The following AFDN variants were observed in gnomAD, a reference collection of about 807,000 sequenced individuals.
AFDN encodes afadin.
In AFDN, 68 loss-of-function variants were observed where a neutral mutation model predicts 216.6. The ratio of observed to expected loss-of-function variants is 0.31; its 90% CI spans 0.26 to 0.38. AFDN has a LOEUF of 0.38. Among genes scored for constraint, AFDN ranks in the 10% least tolerant of loss-of-function variants. The pLI, the probability that AFDN is intolerant of heterozygous loss-of-function variation, is 1.00. For missense variants in AFDN, 2,136 were observed against 2,342.0 expected (o/e 0.91, Z 1.82); for synonymous variants, 868 against 853.7 (o/e 1.02, Z -0.29).
chr6:167,948,597 T>C, intron 29 of AFDN, 119 bp downstream of exon 29: 3 of 949,508 alleles, frequency 3.2e-6, no homozygotes, highest in Non-Finnish European at 4.5e-6. Context: ...TTTCCTTTAA[T>C]GGTTTTGTGG....
intron 21 of AFDN, among the ~76,000 whole-genome samples, chr6:167,920,461 A>G (rs933724819): frequency 6.6e-6 from 1 of 152,232 alleles, no homozygotes; most frequent in African/African-American, 2.4e-5. Context: ...TCAGCAAGTC[A>G]GAAAGCACAG....
intron 21 of AFDN, among the ~76,000 whole-genome samples, chr6:167,920,194 C>T (rs1252437501): frequency 1.3e-5 from 2 of 151,978 alleles, no homozygotes; most frequent in African/African-American, 4.8e-5. Flanking sequence ...CAGGAGTAGG[C>T]AGGGAGAGCC....
chr6:167,850,815 G>T (rs1003554333), intron 1 of AFDN, among the ~76,000 whole-genome samples: 1 of 152,184 alleles, frequency 6.6e-6, no homozygotes, highest in African/African-American at 2.4e-5. Flanking sequence ...GATTTGGGTA[G>T]ATCAGTTATA....
chr6:167,910,969 A>G, intron 13 of AFDN, 132 bp from the exon 14 acceptor site: 1 of 727,182 alleles, frequency 1.4e-6, no homozygotes, highest in Non-Finnish European at 2.3e-6. Context: ...AAAACAAGGG[A>G]TATTTTATTA....
intron 30 of AFDN, chr6:167,954,588 TCTC>T: frequency 9.0e-7 from 1 of 1,109,416 alleles, no homozygotes; most frequent in South Asian, 1.4e-5. Flanking sequence ...TAGATCCAGT[TCTC>T]CTTAGGGGTG....
chr6:167,866,084 A>T (rs1351910646), intron 2 of AFDN, among the ~76,000 whole-genome samples: 2 of 152,196 alleles, frequency 1.3e-5, no homozygotes, highest in African/African-American at 4.8e-5. Context: ...TAAATAGGTT[A>T]CAAAGAAGAA....
At chr6:167,903,640 C>T (rs10945454) in intron 12 of AFDN, among the ~76,000 whole-genome samples, 45,889 of 152,136 alleles carry the variant, frequency 0.3, 7,974 homozygotes, top group East Asian at 0.6. Flanking sequence ...CATCAAAACA[C>T]GTTACAGTGT....
intron 22 of AFDN, 56 bp downstream of exon 22, chr6:167,923,015 G>A (rs766110643): frequency 3.5e-5 from 44 of 1,243,782 alleles, no homozygotes; most frequent in Non-Finnish European, 4.7e-6. Flanking sequence ...TTGAAGATGT[G>A]ATGCAGATTT....
chr6:167,888,037 A>C (rs1323483106), intron 6 of AFDN, among the ~76,000 whole-genome samples: 1 of 152,196 alleles, frequency 6.6e-6, no homozygotes, highest in Non-Finnish European at 1.5e-5. Flanking sequence ...AGGAGGGATC[A>C]TGGAAGCATA....
At chr6:167,942,778 T>C (rs1018100127) in intron 23 of AFDN, among the ~76,000 whole-genome samples, 1 of 152,234 alleles carries the variant, frequency 6.6e-6, no homozygotes, top group Non-Finnish European at 1.5e-5. Context: ...TAAGGGAGGA[T>C]ATAGGTAAAT....
intron 1 of AFDN, among the ~76,000 whole-genome samples, chr6:167,843,340 TCTA>T (rs1781288943): frequency 1.3e-5 from 2 of 152,148 alleles, no homozygotes; most frequent in African/African-American, 2.4e-5. Flanking sequence ...TGTAGGGAAA[TCTA>T]CTAAAAGTCA....
intron 6 of AFDN, among the ~76,000 whole-genome samples, chr6:167,881,385 T>G (rs1183970830): frequency 6.6e-6 from 1 of 152,202 alleles, no homozygotes; most frequent in Non-Finnish European, 1.5e-5. Context: ...AAAAATTTGT[T>G]TAAATGCACA....
At chr6:167,944,527 C>T (rs144415653) in intron 26 of AFDN, among the ~76,000 whole-genome samples, 36 of 152,256 alleles carry the variant, frequency 2.4e-4, no homozygotes, top group Admixed American at 2.3e-3. Context: ...TTACCTTAGT[C>T]CTGCATTTGC....
chr6:167,966,007 A>T lies in AFDN; in HGVS notation c.5219A>T (p.Tyr1740Phe). The change falls in exon 32 of 34, where the codon TAC (tyrosine) becomes TTC (phenylalanine). Residue 1740 changes from tyrosine (Y) to phenylalanine (F), a missense_variant. Physicochemically the swap from Tyr to Phe is conservative, Grantham distance 22 (BLOSUM62 3). Transcript: ENST00000683244. Reference sequence around the variant, plus strand: ...CTGTTCACTGCCAAGTTTGTTGCATACAATGAGGAGGAGGAGGAGGAGGAC... The same window carrying T: ...CTGTTCACTGCCAAGTTTGTTGCATTCAATGAGGAGGAGGAGGAGGAGGAC... ...DSLFTAKFVA[Y>F]NEEEEEEDCS... 6.5e-7 allele frequency: 1 copy of T among 1,550,232 alleles called. No homozygotes were observed. Among genetic ancestry groups the T allele is most frequent in the Non-Finnish European group, 8.7e-7 (1 of 1,146,984 alleles).
At chr6:167,897,544 A>T (rs991690349) in intron 10 of AFDN, among the ~76,000 whole-genome samples, 1 of 151,992 alleles carries the variant, frequency 6.6e-6, no homozygotes, top group Non-Finnish European at 1.5e-5. Context: ...CTTTCTTAGC[A>T]CAACACTAAA....
intron 23 of AFDN, among the ~76,000 whole-genome samples, chr6:167,926,131 G>T (rs192541926): frequency 2.0e-5 from 3 of 152,250 alleles, no homozygotes; most frequent in African/African-American, 7.2e-5. Flanking sequence ...TATTGATTTG[G>T]AAATAAATGG....
intron 21 of AFDN, among the ~76,000 whole-genome samples, chr6:167,921,785 A>G (rs1384102487): frequency 6.6e-6 from 1 of 151,820 alleles, no homozygotes; most frequent in Admixed American, 6.6e-5. Context: ...CATGAATCTG[A>G]ATTGAAATAG....
intron 5 of AFDN, 149 bp from the exon 6 acceptor site, chr6:167,880,211 A>T: frequency 4.4e-6 from 3 of 676,862 alleles, no homozygotes; most frequent in Non-Finnish European, 7.5e-6. Flanking sequence ...ATCTAACAGG[A>T]AATGAAACAA....
At chr6:167,924,636 A>G (rs1394429166) in intron 22 of AFDN, among the ~76,000 whole-genome samples, 1 of 152,242 alleles carries the variant, frequency 6.6e-6, no homozygotes, top group Admixed American at 6.5e-5. Context: ...TGAAAACACA[A>G]AAAGACTGGT....
Sources: gnomAD v4.1 joint callset for allele counts (sites outside exome capture counted in the v4.1 genomes callset) on GRCh38, gnomAD v4.1.1 for gene constraint, MANE v1.5 for transcripts, NCBI Gene and HGNC (gene_info 2026-07-23, HGNC 2026-07-21) for gene names.